Variants in RBFOX1 observed in about 807,000 individuals in gnomAD.
RBFOX1 encodes the protein RNA binding protein fox-1 homolog 1.
A neutral mutation model predicts 57.7 loss-of-function variants in RBFOX1; 8 were observed. The observed-to-expected ratio is 0.14, with a 90% CI of 0.08 to 0.25. RBFOX1 has a LOEUF of 0.25. RBFOX1 is among the 10% of genes least tolerant of loss of function. The pLI is 1.00. For missense variants in RBFOX1, 611 were observed against 548.5 expected, an observed-to-expected ratio of 1.11 and a Z score of -1.14; for synonymous variants, 326 against 222.4, an observed-to-expected ratio of 1.47 and a Z score of -4.15.
Position 6,439,149 on chromosome 16 carries a change from C to T in RBFOX1, c.-64+122092C>T, listed in dbSNP as rs113551865. Among the ~76,000 whole-genome samples the T allele has an allele frequency of 1.1e-3, 168 of 152,222 alleles. 1 individual carries two copies. The highest frequency in any genetic ancestry group is 3.9e-3 in the African/African-American group (160 of 41,524). On this transcript the variant is annotated intron_variant, in intron 2 of 15. Coordinates refer to ENST00000550418, the MANE Select transcript of RBFOX1 (RefSeq NM_018723.4). ...ATCCCACTTGAGCATGCCGATGGCC[C>T]CTTGCAGTTTGAAGTTTGTGTTGTC...
At chr16:5,890,612 G>A (rs1286441532) in intron 4 of RBFOX1, among the ~76,000 whole-genome samples, 1 of 147,194 alleles carries the variant, frequency 6.8e-6, no homozygotes, top group African/African-American at 2.5e-5. Context: ...CAGGAGAATC[G>A]CTTGAACCCA....
chr16:6,729,605 C>G (rs530649762), intron 3 of RBFOX1, among the ~76,000 whole-genome samples: 22 of 152,246 alleles, frequency 1.4e-4, no homozygotes, highest in South Asian at 8.3e-4. Flanking sequence ...AAATGGGCTT[C>G]TAAAGGGTTC....
chr16:7,192,793 A>G (rs1240394423), intron 4 of RBFOX1, among the ~76,000 whole-genome samples: 1 of 152,236 alleles, frequency 6.6e-6, no homozygotes, highest in Non-Finnish European at 1.5e-5. Context: ...GCATTTCAAA[A>G]TAAATACAAC....
At chr16:6,006,557 G>C (rs114029691) in intron 4 of RBFOX1, among the ~76,000 whole-genome samples, 1 of 152,196 alleles carries the variant, frequency 6.6e-6, no homozygotes, top group Non-Finnish European at 1.5e-5. Flanking sequence ...CACTGATGAA[G>C]CATTTGGCTC....
At chr16:7,022,296 A>G (rs1305921572) in intron 3 of RBFOX1, among the ~76,000 whole-genome samples, 1 of 151,134 alleles carries the variant, frequency 6.6e-6, no homozygotes, top group Non-Finnish European at 1.5e-5. Flanking sequence ...TAAGTGATCC[A>G]CCCACCTCAG....
At chr16:5,593,287 A>G (rs527643017) in intron 2 of RBFOX1, among the ~76,000 whole-genome samples, 17 of 151,894 alleles carry the variant, frequency 1.1e-4, no homozygotes, top group Non-Finnish European at 2.2e-4. Context: ...TGGGAGTTGA[A>G]CAATAAGAAC....
In RBFOX1 at chr16:5,555,538, A is replaced by T. The variant is rs564712242; in HGVS notation, c.259-43364A>T. Among the ~76,000 whole-genome samples the T allele has an allele frequency of 5.9e-5, 9 of 151,580 alleles. No individual in the cohort carries two copies. The South Asian group carries it at 1.9e-3, about 32-fold the overall frequency. On this transcript the variant is annotated intron_variant, in intron 2 of 2. Coordinates refer to the RBFOX1 transcript ENST00000585867. ...AGTGCTGGGATTACAGGCATGAGCC[A>T]CTGCACGGGGCCTTGCAATTACTTT...
chr16:7,534,917 G>C (rs1256216896), intron 5 of RBFOX1, among the ~76,000 whole-genome samples: 2 of 152,164 alleles, frequency 1.3e-5, no homozygotes, highest in Non-Finnish European at 2.9e-5. Flanking sequence ...AGCGCTGCAG[G>C]CTTTCTGAGA....
chr16:7,365,756 G>C (rs1232018725), intron 4 of RBFOX1, among the ~76,000 whole-genome samples: 2 of 152,200 alleles, frequency 1.3e-5, no homozygotes, highest in African/African-American at 4.8e-5. Flanking sequence ...GTTTTAGTAA[G>C]AGATGTAAAC....
chr16:6,596,043 AT>A (rs2097773746), intron 2 of RBFOX1, among the ~76,000 whole-genome samples: 3 of 151,996 alleles, frequency 2.0e-5, no homozygotes, highest in Admixed American at 2.0e-4. Context: ...ATCACATGTG[AT>A]TTGAAAATAT....
At chr16:6,515,809 G>A (rs181816020) in intron 2 of RBFOX1, among the ~76,000 whole-genome samples, 2 of 151,960 alleles carry the variant, frequency 1.3e-5, no homozygotes, top group Non-Finnish European at 2.9e-5. Flanking sequence ...TCCTTCATCC[G>A]CCTGAAGTCT....
intron 3 of RBFOX1, among the ~76,000 whole-genome samples, chr16:6,801,852 A>C (rs774226485): frequency 6.6e-6 from 1 of 152,134 alleles, no homozygotes; most frequent in Non-Finnish European, 1.5e-5. Flanking sequence ...GTAAGTGTGC[A>C]TTCATCTGAA....
At position 6,420,497 on chromosome 16, in the gene RBFOX1, T is replaced by C. The variant is rs150176406; in HGVS notation, c.-64+103440T>C. ...AAGAAAATGTAGTCTTTTGAAGAGATGTTAAGCCAGATATTTTTCTACTTT... is the reference window on the plus strand; with the variant it reads ...AAGAAAATGTAGTCTTTTGAAGAGACGTTAAGCCAGATATTTTTCTACTTT... On this transcript the variant is annotated intron_variant, in intron 2 of 15. Coordinates refer to ENST00000550418, the MANE Select transcript of RBFOX1 (RefSeq NM_018723.4). 8.8e-3 allele frequency among the ~76,000 whole-genome samples: 1,334 copies of C among 152,304 alleles called. 25 individuals are homozygous for C. Among genetic ancestry groups the C allele is most frequent in the African/African-American group, 0.031 (1,279 of 41,584 alleles).
At chr16:5,581,048 C>T (rs77563030) in intron 2 of RBFOX1, among the ~76,000 whole-genome samples, 43 of 152,244 alleles carry the variant, frequency 2.8e-4, no homozygotes, top group East Asian at 1.7e-3. Context: ...TTTAATGAAC[C>T]GGAAAGCGTT....
intron 3 of RBFOX1, among the ~76,000 whole-genome samples, chr16:6,794,003 GC>G (rs529202982): frequency 8.5e-5 from 13 of 152,124 alleles, no homozygotes; most frequent in Non-Finnish European, 1.8e-4. Context: ...CCACCGGATT[GC>G]TTTATTGGTT....
At chr16:6,407,203 C>G (rs959456562) in intron 2 of RBFOX1, among the ~76,000 whole-genome samples, 3 of 152,046 alleles carry the variant, frequency 2.0e-5, no homozygotes, top group Non-Finnish European at 2.9e-5. Context: ...ACATCTATAA[C>G]TATATTTATA....
At chr16:6,144,843 T>G (rs1412979271) in intron 1 of RBFOX1, among the ~76,000 whole-genome samples, 2 of 152,198 alleles carry the variant, frequency 1.3e-5, no homozygotes, top group African/African-American at 4.8e-5. Flanking sequence ...TGGAACAAAC[T>G]GTGAATCATC....
At chr16:6,985,761 G>C (rs958154011) in intron 3 of RBFOX1, among the ~76,000 whole-genome samples, 2 of 148,916 alleles carry the variant, frequency 1.3e-5, no homozygotes, top group African/African-American at 5.1e-5. Flanking sequence ...TTGAACCCAG[G>C]AGGCAGAGGT....
At chr16:6,336,772 T>G (rs1156543761) in intron 2 of RBFOX1, among the ~76,000 whole-genome samples, 1 of 152,170 alleles carries the variant, frequency 6.6e-6, no homozygotes, top group African/African-American at 2.4e-5. Context: ...AAAGTACCAC[T>G]GTAAGGAAGA....
Sources: allele counts gnomAD v4.1 joint callset (sites outside exome capture counted in the v4.1 genomes callset), GRCh38; gene constraint gnomAD v4.1.1; transcripts MANE v1.5; gene names NCBI Gene and HGNC (gene_info 2026-07-23, HGNC 2026-07-21).